Variants in CHFR observed in about 807,000 individuals in gnomAD.
The protein encoded by CHFR is E3 ubiquitin-protein ligase CHFR.
A neutral mutation model predicts 87.6 loss-of-function variants in CHFR; 57 were observed. The observed-to-expected ratio is 0.65, with a 90% CI of 0.53 to 0.81. The LOEUF is 0.81. Among genes scored for constraint, CHFR ranks in the 30% least tolerant of loss-of-function variants. The pLI, the probability that CHFR is intolerant of heterozygous loss-of-function variation, is 0.00. For missense variants in CHFR, 797 were observed against 865.8 expected (o/e 0.92, Z 1.00); for synonymous variants, 381 against 359.2 (o/e 1.06, Z -0.69).
In CHFR at chr12:132,834,831, T is replaced by A. The variant is rs1180129502; in HGVS notation, c.*6723A>T. The A allele has an allele frequency of 2.7e-5, 4 of 150,408 alleles. No individual in the cohort carries two copies. In the East Asian group the frequency reaches 8.1e-4, roughly 30 times the overall value. 9.3% of individuals were successfully genotyped at this position (150,408 alleles called of 1,614,324 possible). A position where few individuals can be genotyped will look rare whatever the true frequency, so the allele number is the denominator to read the frequency against. On this transcript the variant is annotated 3_prime_UTR_variant, in exon 18 of 18. Coordinates refer to ENST00000450056, the MANE Select transcript of CHFR (RefSeq NM_001161346.2). ...CCCGGGTTCAAGCCATTCTCCTGCC[T>A]CAGCCTCCCGAGTAGCTGGGACTAC...
intron 10 of CHFR, among the ~76,000 whole-genome samples, chr12:132,855,983 G>T (rs571597771): frequency 6.6e-6 from 1 of 152,222 alleles, no homozygotes; most frequent in South Asian, 2.1e-4. Flanking sequence ...GGATTGTCTT[G>T]GCCTGGTGAT....
At chr12:132,863,708 G>A (rs1458245522) in intron 6 of CHFR, among the ~76,000 whole-genome samples, 2 of 152,134 alleles carry the variant, frequency 1.3e-5, no homozygotes, top group African/African-American at 4.8e-5. Flanking sequence ...CAAGAAGCCA[G>A]AGTCATAACG....
At chr12:132,868,723 T>G (rs977339308) in intron 6 of CHFR, among the ~76,000 whole-genome samples, 1 of 149,666 alleles carries the variant, frequency 6.7e-6, no homozygotes. Flanking sequence ...GTCTGTGAAG[T>G]GTCTAGAACA....
In CHFR at chr12:132,855,921, G is replaced by C. The variant is rs191741891; in HGVS notation, c.1229+547C>G. On this transcript the variant is annotated intron_variant, in intron 10 of 17. Transcript: ENST00000450056. ...GACCCAACATTCAGACCCCGGTCTTGTGCATTAGGAAACCTCAACATGTCA... is the reference window on the plus strand; with the variant it reads ...GACCCAACATTCAGACCCCGGTCTTCTGCATTAGGAAACCTCAACATGTCA... Among the ~76,000 whole-genome samples the C allele has an allele frequency of 2.6e-5, 4 of 152,214 alleles. No homozygotes were observed. The East Asian group carries it at 7.7e-4, about 29-fold the overall frequency.
At chr12:132,848,486 T>A in intron 13 of CHFR, 155 bp downstream of exon 13, 1 of 698,628 alleles carries the variant, frequency 1.4e-6, no homozygotes, top group Non-Finnish European at 2.5e-6. Context: ...TTGACACACC[T>A]CTGCAGTCCA....
intron 14 of CHFR, chr12:132,847,466 G>A: frequency 9.0e-7 from 1 of 1,110,506 alleles, no homozygotes; most frequent in Non-Finnish European, 1.1e-6. Flanking sequence ...TGTTGCACAA[G>A]AAAAGCTGAG....
chr12:132,883,824 A>C (rs1951823137), intron 2 of CHFR, among the ~76,000 whole-genome samples: 1 of 152,058 alleles, frequency 6.6e-6, no homozygotes, highest in Non-Finnish European at 1.5e-5. Context: ...TAAAATAATC[A>C]AGTTCTGTCT....
chr12:132,857,830 T>C (rs533043622), intron 8 of CHFR, among the ~76,000 whole-genome samples: 35 of 152,202 alleles, frequency 2.3e-4, no homozygotes, highest in Non-Finnish European at 3.2e-4. Context: ...AGTTGGAAGG[T>C]TGTCACTCTT....
At chr12:132,862,704 C>G (rs1252749940) in intron 6 of CHFR, among the ~76,000 whole-genome samples, 2 of 150,296 alleles carry the variant, frequency 1.3e-5, no homozygotes, top group African/African-American at 4.9e-5. Context: ...CTCAGCCTCC[C>G]AAGTAGCTGG....
chr12:132,837,179 G>A lies in CHFR; in HGVS notation c.*4375C>T, dbSNP rs1449928074. 3.6e-6 allele frequency: 1 copy of A among 275,396 alleles called. No homozygotes were observed. The highest frequency in any genetic ancestry group is 5.1e-5 in the Admixed American group (1 of 19,782). The allele number at this position is 275,396 out of a possible 1,614,324, so 17.1% of individuals were successfully genotyped here. A position where few individuals can be genotyped will look rare whatever the true frequency, so the allele number is the denominator to read the frequency against. ...AGAGGTTTTCTGAGGGGTGGAGGCA[G>A]GGGTCATACATGCTGGGCCTTCAAG... On this transcript the variant is annotated 3_prime_UTR_variant, in exon 18 of 18. Coordinates refer to ENST00000450056, the MANE Select transcript of CHFR (RefSeq NM_001161346.2).
intron 4 of CHFR, 144 bp from the exon 5 acceptor site, chr12:132,870,927 T>G: frequency 5.8e-6 from 3 of 513,294 alleles, no homozygotes; most frequent in South Asian, 3.1e-5. Flanking sequence ...TTTAAGAGAT[T>G]TCAAAACAAG....
chr12:132,859,052 G>A lies in CHFR; in HGVS notation c.911+16C>T, dbSNP rs11147112. 4,474 of 1,609,132 alleles carry A rather than the reference G, an allele frequency of 2.8e-3. 79 individuals carry two copies. In the African/African-American group the frequency reaches 0.044, roughly 16 times the overall value. ...CAGTGCCATGTTCCGTGAGCCAAGG[G>A]TGAACACGGTCGCACCTCACGCAGT... On this transcript the variant is annotated intron_variant, in intron 8 of 17. Transcript: ENST00000450056.
chr12:132,856,213 G>A (rs749403779), intron 10 of CHFR, among the ~76,000 whole-genome samples: 1 of 152,198 alleles, frequency 6.6e-6, no homozygotes, highest in East Asian at 1.9e-4. Context: ...TACAGCAGTC[G>A]CCTGCGGCTG....
chr12:132,847,313 A>G (rs1028298572), intron 14 of CHFR, 183 bp from the exon 15 acceptor site: 22 of 1,355,644 alleles, frequency 1.6e-5, no homozygotes, highest in Non-Finnish European at 2.0e-5. Context: ...GTCTTGTCCA[A>G]GAGCCTCCTG....
At chr12:132,869,085 C>A (rs77149327) in intron 6 of CHFR, among the ~76,000 whole-genome samples, 2 of 34,018 alleles carry the variant, frequency 5.9e-5, no homozygotes, top group African/African-American at 3.9e-4. Context: ...GCTGGTGGGG[C>A]CGAGGGGAAG....
chr12:132,845,817 G>C lies in CHFR; in HGVS notation c.1735+1226C>G, dbSNP rs564953807. On this transcript the variant is annotated intron_variant, in intron 15 of 17. Coordinates refer to ENST00000450056, the MANE Select transcript of CHFR (RefSeq NM_001161346.2). ...CAACTGACCCCAGGACCTCTGGATA[G>C]ACAAGTGGTAGAGACCCTCCAAGCT... 1.3e-3 allele frequency among the ~76,000 whole-genome samples: 204 copies of C among 152,278 alleles called. 2 individuals carry two copies. The South Asian group carries it at 0.016, about 12-fold the overall frequency.
chr12:132,835,736 C>G lies in CHFR; in HGVS notation c.*5818G>C. The G allele has an allele frequency of 3.9e-6, 1 of 256,610 alleles. No individual in the cohort carries two copies. The highest frequency in any genetic ancestry group is 3.5e-5 in the South Asian group (1 of 28,944). The allele number at this position is 256,610 out of a possible 1,614,324, so 15.9% of individuals were successfully genotyped here. ...CCTGTTCTGCGGCGTTTTGATCCAG[C>G]GGCCCAAGTGGACCCACATTCAAGG... On this transcript the variant is annotated 3_prime_UTR_variant, in exon 18 of 18. Transcript: ENST00000450056.
Position 132,877,541 on chromosome 12 carries a change from C to CCAAA in CHFR, c.233+13_233+14insTTTG. On this transcript the variant is annotated intron_variant, in intron 3 of 17. Coordinates refer to ENST00000450056, the MANE Select transcript of CHFR (RefSeq NM_001161346.2). ...ACAAGAAGAAACACCAAAAGAAGCT[C>CCAAA]AGAACATACTCACCTGGTATCTTCC... The CCAAA allele has an allele frequency of 6.4e-7, 1 of 1,566,954 alleles. No homozygotes were observed. Among genetic ancestry groups the CCAAA allele is most frequent in the Non-Finnish European group, 8.8e-7 (1 of 1,142,334 alleles).
intron 16 of CHFR, among the ~76,000 whole-genome samples, chr12:132,843,450 TA>T (rs1457877964): frequency 6.6e-6 from 1 of 151,520 alleles, no homozygotes; most frequent in Non-Finnish European, 1.5e-5. Flanking sequence ...AAATAAAAAT[TA>T]AAAAATAAAA....
Sources: allele counts gnomAD v4.1 joint callset (sites outside exome capture counted in the v4.1 genomes callset), GRCh38; gene constraint gnomAD v4.1.1; transcripts MANE v1.5; gene names NCBI Gene and HGNC (gene_info 2026-07-23, HGNC 2026-07-21).